SPAG17: variants seen among roughly 807,000 people sequenced by gnomAD.
SPAG17 encodes sperm associated antigen 17, also known as sperm-associated antigen 17.
Under a neutral mutation model 273.6 loss-of-function variants are expected in SPAG17, and 169 were observed. The ratio of observed to expected loss-of-function variants is 0.62; its 90% CI spans 0.55 to 0.70. The LOEUF (loss-of-function observed/expected upper bound fraction) is 0.70. Among genes scored for constraint, SPAG17 ranks in the 30% least tolerant of loss-of-function variants. The pLI is 0.00. For missense variants in SPAG17, 2,557 were observed against 2,627.8 expected (o/e 0.97, Z 0.59); for synonymous variants, 825 against 873.2 (o/e 0.94, Z 0.97).
chr1:118,048,844 C>T (rs571056021), intron 20 of SPAG17, among the ~76,000 whole-genome samples: 5 of 151,872 alleles, frequency 3.3e-5, no homozygotes, highest in Non-Finnish European at 7.4e-5. Flanking sequence ...TGCAGTGAGC[C>T]GGGATTGCAC....
At chr1:118,061,426 A>G (rs1326129350) in intron 18 of SPAG17, among the ~76,000 whole-genome samples, 1 of 152,234 alleles carries the variant, frequency 6.6e-6, no homozygotes, top group African/African-American at 2.4e-5. Flanking sequence ...GCTGAGTTAA[A>G]TAAGCCAGTC....
intron 3 of SPAG17, among the ~76,000 whole-genome samples, chr1:118,133,575 G>A (rs920967714): frequency 1.7e-4 from 26 of 152,116 alleles, no homozygotes; most frequent in African/African-American, 6.0e-4. Flanking sequence ...AAATTAGATG[G>A]TCTCATGCCA....
intron 29 of SPAG17, among the ~76,000 whole-genome samples, chr1:118,014,132 T>G (rs2101791864): frequency 6.6e-6 from 1 of 152,354 alleles, no homozygotes; most frequent in East Asian, 1.9e-4. Flanking sequence ...GGCAAATTAC[T>G]TAACCTCTCT....
rs761774150 is a variant in SPAG17, at chr1:118,028,333, C to G, written c.3671G>C (p.Ser1224Thr). Residue 1224 changes from serine to threonine, a missense_variant, in exon 26 of 49, where the codon AGC becomes ACC. Transcript: ENST00000336338. ...CCCACTGGGGCAAGACACATTTAGG[C>G]TCTGGAAGGTGGGAACATCCAAAGT... Reference protein sequence around the residue: ...QETLDVPTFQSLNVSCPSGLL... With the variant: ...QETLDVPTFQTLNVSCPSGLL... 1.2e-5 allele frequency: 20 copies of G among 1,613,804 alleles called. No individual in the cohort carries two copies. In the African/African-American group the frequency reaches 2.5e-4, roughly 20 times the overall value.
At chr1:118,108,303 T>A (rs1403186265) in intron 4 of SPAG17, among the ~76,000 whole-genome samples, 1 of 152,210 alleles carries the variant, frequency 6.6e-6, no homozygotes, top group Non-Finnish European at 1.5e-5. Context: ...AATATCCTTT[T>A]GTACCAAGCC....
intron 20 of SPAG17, among the ~76,000 whole-genome samples, chr1:118,044,017 G>C (rs1479702159): frequency 6.6e-6 from 1 of 152,034 alleles, no homozygotes; most frequent in Non-Finnish European, 1.5e-5. Context: ...AAATCAAAAT[G>C]CTATCTGGAA....
At position 117,992,615 on chromosome 1, in the gene SPAG17, T is replaced by A. The variant is rs373874149; in HGVS notation, c.5212A>T (p.Ile1738Phe). The A allele has an allele frequency of 3.7e-6, 6 of 1,608,802 alleles. No homozygotes were observed. The African/African-American group carries it at 8.0e-5, about 22-fold the overall frequency. ...KTPGPPFGTQIWKGLCIESKQ... is the reference protein window; with the variant it reads ...KTPGPPFGTQFWKGLCIESKQ... ...GACTCAATGCAAAGGCCTTTCCAAA[T>A]CTGAGTACCAAACGGAGGTCCTGGA... The change falls in exon 36 of 49, where the codon ATT becomes TTT. Residue 1738 changes from isoleucine (I) to phenylalanine (F), a missense_variant. Ile to Phe is a conservative substitution (Grantham distance 21, BLOSUM62 0). Transcript: ENST00000336338.
Position 118,025,400 on chromosome 1 carries a change from A to T in SPAG17, c.3747T>A (p.Asp1249Glu). Residue 1249 changes from aspartate (D) to glutamate (E), a missense_variant, in exon 27 of 49, where the codon GAT (aspartate) becomes GAA (glutamate). Physicochemically the swap from Asp to Glu is conservative, Grantham distance 45 (BLOSUM62 2). Coordinates refer to ENST00000336338, the MANE Select transcript of SPAG17 (RefSeq NM_206996.4). The part of the protein sequence containing the change: ...GQESTGQYVI[D>E]EEPTWDIMVR... ...CCATGATGTCCCAGGTGGGTTCCTC[A>T]TCTATAACATATTGACCTAAAAAAA... The T allele has an allele frequency of 1.3e-6, 2 of 1,578,764 alleles. No individual in the cohort carries two copies. Among genetic ancestry groups the T allele is most frequent in the Non-Finnish European group, 1.7e-6 (2 of 1,165,706 alleles).
At chr1:118,145,302 A>T (rs1226469670) in intron 3 of SPAG17, among the ~76,000 whole-genome samples, 1 of 152,260 alleles carries the variant, frequency 6.6e-6, no homozygotes, top group African/African-American at 2.4e-5. Context: ...TGAGTTTCAT[A>T]TCAGGAATCT....
At chr1:118,161,008 C>T (rs1659883238) in intron 1 of SPAG17, among the ~76,000 whole-genome samples, 2 of 152,124 alleles carry the variant, frequency 1.3e-5, no homozygotes, top group Admixed American at 1.3e-4. Context: ...AATCTGTGCC[C>T]TACCTCAATT....
chr1:118,139,344 C>G (rs1481886144), intron 3 of SPAG17, among the ~76,000 whole-genome samples: 2 of 152,072 alleles, frequency 1.3e-5, no homozygotes, highest in Non-Finnish European at 2.9e-5. Context: ...GAAAAGGGAA[C>G]CCTTGTACAT....
intron 1 of SPAG17, among the ~76,000 whole-genome samples, chr1:118,162,267 TG>T (rs75106916): frequency 0.048 from 7,293 of 152,300 alleles, 349 homozygotes; most frequent in East Asian, 0.25. Context: ...GCTCTTTCAA[TG>T]GTGTAATAAA....
chr1:118,048,678 A>T (rs12120650), intron 20 of SPAG17, among the ~76,000 whole-genome samples: 2 of 152,154 alleles, frequency 1.3e-5, no homozygotes, highest in Non-Finnish European at 2.9e-5. Context: ...TGGGCAGATC[A>T]CAAGGTCAGG....
At chr1:118,094,859 C>A (rs1655609676) in intron 7 of SPAG17, among the ~76,000 whole-genome samples, 2 of 152,008 alleles carry the variant, frequency 1.3e-5, no homozygotes, top group Admixed American at 1.3e-4. Context: ...ACAGTTGGAC[C>A]CAGACCACAG....
chr1:118,083,991 T>C (rs941888436), intron 13 of SPAG17, among the ~76,000 whole-genome samples: 3 of 151,918 alleles, frequency 2.0e-5, no homozygotes, highest in Non-Finnish European at 2.9e-5. Flanking sequence ...GGATGGGGCA[T>C]GTAAGCAGCA....
intron 42 of SPAG17, 33 bp from the exon 43 acceptor site, chr1:117,981,434 T>C: frequency 1.3e-6 from 2 of 1,574,024 alleles, no homozygotes; most frequent in Non-Finnish European, 1.7e-6. Flanking sequence ...TATAAAGTGA[T>C]ATTTTGTAAA....
intron 1 of SPAG17, among the ~76,000 whole-genome samples, chr1:118,162,654 A>G (rs1475755785): frequency 6.6e-6 from 1 of 152,236 alleles, no homozygotes; most frequent in African/African-American, 2.4e-5. Context: ...AATATTTACT[A>G]CGTGGGTACC....
intron 37 of SPAG17, among the ~76,000 whole-genome samples, chr1:117,991,179 T>C (rs1002271491): frequency 6.6e-6 from 1 of 152,214 alleles, no homozygotes; most frequent in Non-Finnish European, 1.5e-5. Context: ...TCAATTTCTT[T>C]TGAAGACAAT....
chr1:118,103,601 G>T (rs1324158249), intron 4 of SPAG17, among the ~76,000 whole-genome samples: 1 of 152,106 alleles, frequency 6.6e-6, no homozygotes, highest in Admixed American at 6.6e-5. Flanking sequence ...ATGGGGCTCG[G>T]CTCTGCCCCT....
Sources: gnomAD v4.1 joint callset for allele counts (sites outside exome capture counted in the v4.1 genomes callset) on GRCh38, gnomAD v4.1.1 for gene constraint, MANE v1.5 for transcripts, NCBI Gene and HGNC (gene_info 2026-07-23, HGNC 2026-07-21) for gene names.